The following HHAT variants were observed in gnomAD, a reference collection of about 807,000 sequenced individuals.
The protein encoded by HHAT is hedgehog acyltransferase.
A neutral mutation model predicts 70.8 loss-of-function variants in HHAT; 47 were observed. The ratio of observed to expected loss-of-function variants is 0.66; its 90% CI spans 0.53 to 0.85. HHAT has a LOEUF of 0.85. HHAT is among the 40% of genes least tolerant of loss of function. The pLI, the probability that HHAT is intolerant of heterozygous loss-of-function variation, is 0.00. For missense variants in HHAT, 609 were observed against 604.8 expected, an observed-to-expected ratio of 1.01 and a Z score of -0.07; for synonymous variants, 228 against 247.6, an observed-to-expected ratio of 0.92 and a Z score of 0.74.
At chr1:210,632,887 C>A (rs1671150965) in intron 11 of HHAT, among the ~76,000 whole-genome samples, 1 of 152,158 alleles carries the variant, frequency 6.6e-6, no homozygotes, top group Non-Finnish European at 1.5e-5. Context: ...ACCACAGGGA[C>A]CCAGGCGGCC....
chr1:210,339,596 A>G (rs2085821035), intron 1 of HHAT, among the ~76,000 whole-genome samples: 1 of 152,160 alleles, frequency 6.6e-6, no homozygotes, highest in South Asian at 2.1e-4. Flanking sequence ...CCAGAGGAGG[A>G]GCCCTGGCCT....
At chr1:210,486,343 C>T (rs934050153) in intron 8 of HHAT, among the ~76,000 whole-genome samples, 4 of 152,136 alleles carry the variant, frequency 2.6e-5, no homozygotes, top group Non-Finnish European at 5.9e-5. Context: ...CTACATTAAG[C>T]GAATGCTTAC....
intron 7 of HHAT, among the ~76,000 whole-genome samples, chr1:210,444,819 A>G (rs1187832274): frequency 6.6e-6 from 1 of 152,108 alleles, no homozygotes; most frequent in Non-Finnish European, 1.5e-5. Flanking sequence ...CAGCCGATAT[A>G]TAACACACAA....
At chr1:210,420,444 C>T (rs2092864226) in intron 7 of HHAT, among the ~76,000 whole-genome samples, 3 of 152,220 alleles carry the variant, frequency 2.0e-5, no homozygotes, top group Admixed American at 6.5e-5. Context: ...CCATATAATG[C>T]CATTTCTGTG....
intron 10 of HHAT, among the ~76,000 whole-genome samples, chr1:210,610,383 GATTT>G (rs1475588212): frequency 6.6e-6 from 1 of 151,948 alleles, no homozygotes; most frequent in Non-Finnish European, 1.5e-5. Flanking sequence ...TTCTCTTGTA[GATTT>G]ATTTAAGTTC....
intron 7 of HHAT, among the ~76,000 whole-genome samples, chr1:210,436,230 T>C (rs1240414511): frequency 6.6e-6 from 1 of 151,820 alleles, no homozygotes; most frequent in African/African-American, 2.4e-5. Context: ...CTTTGCCTAT[T>C]GTATGTTCTT....
intron 8 of HHAT, among the ~76,000 whole-genome samples, chr1:210,484,083 A>G (rs909299491): frequency 6.6e-6 from 1 of 152,178 alleles, no homozygotes; most frequent in African/African-American, 2.4e-5. Flanking sequence ...TGAAATCTTA[A>G]AAACTGATTT....
chr1:210,618,573 C>A (rs1372350919), intron 10 of HHAT, among the ~76,000 whole-genome samples: 1 of 152,308 alleles, frequency 6.6e-6, no homozygotes, highest in East Asian at 1.9e-4. Context: ...ATTCCTCCGG[C>A]CATCTGCTCC....
chr1:210,385,585 G>C (rs1302925102), intron 3 of HHAT, among the ~76,000 whole-genome samples: 1 of 152,202 alleles, frequency 6.6e-6, no homozygotes, highest in Non-Finnish European at 1.5e-5. Context: ...TTTCCAGCAA[G>C]GGACAGGGGC....
chr1:210,372,519 C>T (rs2148068089), intron 3 of HHAT, among the ~76,000 whole-genome samples: 1 of 152,318 alleles, frequency 6.6e-6, no homozygotes, highest in African/African-American at 2.4e-5. Context: ...CCTACAAGTA[C>T]AAACATTCAT....
intron 3 of HHAT, among the ~76,000 whole-genome samples, chr1:210,382,172 C>T (rs2090688312): frequency 6.6e-6 from 1 of 152,176 alleles, no homozygotes; most frequent in Non-Finnish European, 1.5e-5. Flanking sequence ...GGCAAGTCCT[C>T]ATTTGCCAGG....
At chr1:210,664,787 A>AGG (rs1194004284) in intron 11 of HHAT, among the ~76,000 whole-genome samples, 1 of 152,188 alleles carries the variant, frequency 6.6e-6, no homozygotes, top group Non-Finnish European at 1.5e-5. Context: ...ACAAGTCATG[A>AGG]GGGAGAGGCC....
intron 9 of HHAT, among the ~76,000 whole-genome samples, chr1:210,565,074 G>A (rs1183830058): frequency 1.3e-5 from 2 of 152,214 alleles, no homozygotes; most frequent in East Asian, 1.9e-4. Flanking sequence ...TGGGAGGTGG[G>A]AAGGGGAAGC....
At chr1:210,545,436 C>CTTTTTTTT (rs71571956) in intron 9 of HHAT, among the ~76,000 whole-genome samples, 8 of 127,190 alleles carry the variant, frequency 6.3e-5, no homozygotes, top group African/African-American at 2.4e-4. Context: ...CTTTTTTTTC[C>CTTTTTTTT]TTTTTTTTTT....
intron 9 of HHAT, among the ~76,000 whole-genome samples, chr1:210,567,958 C>T (rs1655175390): frequency 6.6e-6 from 1 of 152,208 alleles, no homozygotes. Context: ...CTTGGAATCT[C>T]TAAAGTTATG....
At chr1:210,483,194 C>T (rs2094424063) in intron 8 of HHAT, among the ~76,000 whole-genome samples, 1 of 152,134 alleles carries the variant, frequency 6.6e-6, no homozygotes. Flanking sequence ...GCACAAAATT[C>T]ACAAACTTTT....
At chr1:210,574,187 G>C (rs1434300439) in intron 9 of HHAT, among the ~76,000 whole-genome samples, 1 of 152,158 alleles carries the variant, frequency 6.6e-6, no homozygotes, top group Non-Finnish European at 1.5e-5. Context: ...AAGAGGTAAA[G>C]AATCAAAGGG....
At chr1:210,401,937 T>C (rs1292930946) in intron 5 of HHAT, among the ~76,000 whole-genome samples, 1 of 152,246 alleles carries the variant, frequency 6.6e-6, no homozygotes, top group East Asian at 1.9e-4. Context: ...TGGAGTGACC[T>C]AGCCCTGCTT....
At position 210,435,724 on chromosome 1, in the gene HHAT, G is replaced by T. The variant is rs189204745; in HGVS notation, c.856+17399G>T. On this transcript the variant is annotated intron_variant, in intron 7 of 11. Coordinates refer to ENST00000261458, the MANE Select transcript of HHAT (RefSeq NM_018194.6). ...CATTTCTGTAATGATTAGTTATGTT[G>T]AACACTTTTTCGTATATTTTTTGGC... Among the ~76,000 whole-genome samples the T allele has an allele frequency of 4.0e-5, 6 of 151,816 alleles. No homozygotes were observed. The East Asian group carries it at 1.2e-3, about 29-fold the overall frequency.
Sources: gnomAD v4.1 joint callset for allele counts (sites outside exome capture counted in the v4.1 genomes callset) on GRCh38, gnomAD v4.1.1 for gene constraint, MANE v1.5 for transcripts, NCBI Gene and HGNC (gene_info 2026-07-23, HGNC 2026-07-21) for gene names.